Variants in CADM1 observed in about 807,000 individuals in gnomAD.
CADM1 encodes the protein TSLC-1.
Under a neutral mutation model 53.1 loss-of-function variants are expected in CADM1, and 15 were observed. The observed-to-expected ratio is 0.28, with a 90% CI of 0.19 to 0.44. The LOEUF (loss-of-function observed/expected upper bound fraction) is 0.44, where lower values mean the gene tolerates loss of function less well. CADM1 is among the 20% of genes least tolerant of loss of function. The pLI is 1.00. For missense variants in CADM1, 434 were observed against 611.3 expected (o/e 0.71, Z 3.06); for synonymous variants, 281 against 243.0 (o/e 1.16, Z -1.45).
intron 1 of CADM1, among the ~76,000 whole-genome samples, chr11:115,387,544 T>C (rs369662940): frequency 6.6e-6 from 1 of 152,304 alleles, no homozygotes; most frequent in East Asian, 1.9e-4. Context: ...AGGGAAAACA[T>C]GTCCTGAACT....
chr11:115,329,761 T>C (rs925442923), intron 1 of CADM1, among the ~76,000 whole-genome samples: 4 of 151,988 alleles, frequency 2.6e-5, no homozygotes, highest in African/African-American at 9.7e-5. Flanking sequence ...GGATGGTAAA[T>C]GCGGAGGATT....
chr11:115,486,165 A>T (rs1047616168), intron 1 of CADM1, among the ~76,000 whole-genome samples: 1 of 152,112 alleles, frequency 6.6e-6, no homozygotes, highest in Non-Finnish European at 1.5e-5. Context: ...TGCTTGAACT[A>T]TTATACTCCT....
At chr11:115,428,080 C>A (rs145863106) in intron 1 of CADM1, among the ~76,000 whole-genome samples, 97 of 150,446 alleles carry the variant, frequency 6.4e-4, no homozygotes, top group African/African-American at 2.2e-3. Context: ...ATGTCTGAGT[C>A]TTCCAAATGT....
intron 10 of CADM1, among the ~76,000 whole-genome samples, chr11:115,189,070 G>A (rs1939715712): frequency 6.6e-6 from 1 of 152,136 alleles, no homozygotes; most frequent in Non-Finnish European, 1.5e-5. Context: ...GTTCATCAGT[G>A]TTCTACATGA....
chr11:115,365,845 C>T lies in CADM1; in HGVS notation c.125-125425G>A, dbSNP rs116593088. On this transcript the variant is annotated intron_variant, in intron 1 of 11. Transcript: ENST00000331581. ...TGCTAATCTTGCTTAAACTAAGAAT[C>T]AATTTTTAGGATAAGACCATTTAGA... is the stretch of plus-strand genomic sequence containing the variant. Among the ~76,000 whole-genome samples, 348 of 152,238 alleles carry T rather than the reference C, an allele frequency of 2.3e-3. 3 individuals are homozygous for T. Among genetic ancestry groups the T allele is most frequent in the African/African-American group, 7.6e-3 (314 of 41,544 alleles).
chr11:115,293,934 GTTCAGA>G (rs1277489275), intron 1 of CADM1, among the ~76,000 whole-genome samples: 1 of 152,120 alleles, frequency 6.6e-6, no homozygotes, highest in Admixed American at 6.5e-5. Context: ...AACTCACAGG[GTTCAGA>G]TTCTGTGATT....
chr11:115,415,197 T>C (rs1056391561), intron 1 of CADM1, among the ~76,000 whole-genome samples: 3 of 152,202 alleles, frequency 2.0e-5, no homozygotes, highest in Non-Finnish European at 2.9e-5. Flanking sequence ...CCCTACCTCA[T>C]AGTACTATTA....
chr11:115,204,157 A>G (rs568965103), intron 8 of CADM1, among the ~76,000 whole-genome samples: 1 of 152,356 alleles, frequency 6.6e-6, no homozygotes, highest in African/African-American at 2.4e-5. Flanking sequence ...GGCCTAATCT[A>G]TGCCTGAAAC....
intron 8 of CADM1, among the ~76,000 whole-genome samples, chr11:115,206,876 G>C (rs1940725435): frequency 7.0e-6 from 1 of 143,608 alleles, no homozygotes; most frequent in Non-Finnish European, 1.5e-5. Flanking sequence ...AACAGTGCAA[G>C]AGAGAAGAGG....
At chr11:115,317,454 G>A (rs1294227402) in intron 1 of CADM1, among the ~76,000 whole-genome samples, 1 of 152,158 alleles carries the variant, frequency 6.6e-6, no homozygotes, top group African/African-American at 2.4e-5. Context: ...AAAGTGGAGA[G>A]GGTTCATCCA....
chr11:115,170,465 T>C lies in CADM1; in HGVS notation c.*6009A>G, dbSNP rs1009261335. The C allele has an allele frequency of 2.0e-5, 3 of 151,944 alleles. No individual in the cohort carries two copies. Among genetic ancestry groups the C allele is most frequent in the East Asian group, 1.9e-4 (1 of 5,178 alleles). The allele number at this position is 151,944 out of a possible 1,614,324, so 9.4% of individuals were successfully genotyped here. On this transcript the variant is annotated 3_prime_UTR_variant, in exon 12 of 12. Coordinates refer to ENST00000331581, the MANE Select transcript of CADM1 (RefSeq NM_001301043.2). ...GGAATGAAAAAAATAAATAAAAACA[T>C]AAAAATGAAACAAAGTTTCCTGTGT...
chr11:115,177,598 A>G (rs1318914274), intron 11 of CADM1, among the ~76,000 whole-genome samples: 2 of 151,804 alleles, frequency 1.3e-5, no homozygotes, highest in Non-Finnish European at 2.9e-5. Context: ...AGTGACACAC[A>G]TGTTCCCCTC....
chr11:115,228,838 C>G (rs563401799), intron 5 of CADM1, among the ~76,000 whole-genome samples: 1 of 152,240 alleles, frequency 6.6e-6, no homozygotes, highest in South Asian at 2.1e-4. Flanking sequence ...GAAATGATGA[C>G]AGTCTATATG....
At chr11:115,415,623 G>A (rs1408746496) in intron 1 of CADM1, among the ~76,000 whole-genome samples, 1 of 151,912 alleles carries the variant, frequency 6.6e-6, no homozygotes, top group East Asian at 1.9e-4. Flanking sequence ...GATCACCTGA[G>A]GTCAGGAGTT....
rs1017422397 is a variant in CADM1, at chr11:115,283,742, G to T, written c.125-43322C>A. Among the ~76,000 whole-genome samples the T allele has an allele frequency of 3.9e-5, 6 of 152,220 alleles. No individual in the cohort carries two copies. The East Asian group carries it at 9.6e-4, about 24-fold the overall frequency. On this transcript the variant is annotated intron_variant, in intron 1 of 11. Transcript: ENST00000331581. ...CCACGCCAGACATTCAGGGCAAAGT[G>T]GGATCGGTGCAGAAGACTAGGCAAG...
intron 10 of CADM1, among the ~76,000 whole-genome samples, chr11:115,184,661 TCTA>T (rs1347476896): frequency 6.6e-6 from 1 of 152,230 alleles, no homozygotes; most frequent in Non-Finnish European, 1.5e-5. Context: ...ATCCCAGGCA[TCTA>T]CTACTACACG....
intron 1 of CADM1, among the ~76,000 whole-genome samples, chr11:115,356,364 A>G (rs1388760677): frequency 2.0e-5 from 3 of 151,898 alleles, no homozygotes; most frequent in African/African-American, 7.2e-5. Context: ...AACAATTTTG[A>G]TACATCTAAT....
At chr11:115,366,329 G>A (rs1423202272) in intron 1 of CADM1, among the ~76,000 whole-genome samples, 1 of 152,174 alleles carries the variant, frequency 6.6e-6, no homozygotes, top group Non-Finnish European at 1.5e-5. Flanking sequence ...AATTCCTCTG[G>A]CTAAGATTCT....
intron 9 of CADM1, among the ~76,000 whole-genome samples, chr11:115,196,623 A>AAAAAAAAAAAAAAACC (rs1565291008): frequency 7.1e-6 from 1 of 140,110 alleles, no homozygotes; most frequent in Admixed American, 7.5e-5. Flanking sequence ...AAAAAAAATC[A>AAAAAAAAAAAAAAACC]CAAAACAATC....
Sources: allele counts gnomAD v4.1 joint callset (sites outside exome capture counted in the v4.1 genomes callset), GRCh38; gene constraint gnomAD v4.1.1; transcripts MANE v1.5; gene names NCBI Gene and HGNC (gene_info 2026-07-23, HGNC 2026-07-21).